DCST1: variants seen among roughly 807,000 people sequenced by gnomAD.
DCST1 encodes E3 ubiquitin-protein ligase DCST1.
In DCST1, 78 loss-of-function variants were observed where a neutral mutation model predicts 89.1. The ratio of observed to expected loss-of-function variants is 0.88; its 90% CI spans 0.73 to 1.06. The LOEUF (loss-of-function observed/expected upper bound fraction) is 1.06, where lower values mean the gene tolerates loss of function less well. DCST1 is among the 50% of genes least tolerant of loss of function. The pLI is 0.00. For missense variants in DCST1, 900 were observed against 928.6 expected (o/e 0.97, Z 0.40); for synonymous variants, 364 against 371.9 (o/e 0.98, Z 0.24).
intron 6 of DCST1, 115 bp downstream of exon 6, chr1:155,040,739 T>G: frequency 7.0e-7 from 1 of 1,418,706 alleles, no homozygotes; most frequent in East Asian, 2.5e-5. Flanking sequence ...ACTACTGGCA[T>G]TTTTTGCAGA....
At position 155,047,226 on chromosome 1, in the gene DCST1, G is replaced by C. The variant is rs185214838; in HGVS notation, c.1526G>C (p.Gly509Ala). 3.5e-5 allele frequency: 57 copies of C among 1,614,222 alleles called. 1 individual carries two copies. The East Asian group carries it at 1.2e-3, about 34-fold the overall frequency. The change falls in exon 14 of 17, where the codon GGA becomes GCA. Residue 509 changes from glycine to alanine, a missense_variant. By Grantham distance (60) the Gly-to-Ala change is moderately conservative. Transcript: ENST00000295542. ...SSHKLEVKVG[G>A]DSMLARLLRK... is the part of the protein sequence containing the mutation. ...CATAAACTGGAGGTGAAGGTCGGGGGAGACTCCATGCTAGCCCGGCTTCTT... is the reference window on the plus strand; with the variant it reads ...CATAAACTGGAGGTGAAGGTCGGGGCAGACTCCATGCTAGCCCGGCTTCTT...
At chr1:155,043,729 A>T (rs1197666037) in intron 10 of DCST1, among the ~76,000 whole-genome samples, 1 of 151,902 alleles carries the variant, frequency 6.6e-6, no homozygotes, top group African/African-American at 2.4e-5. Flanking sequence ...AACCGTCTTC[A>T]TTCATCCACC....
Position 155,039,505 on chromosome 1 carries a change from G to C in DCST1, c.365G>C (p.Gly122Ala). The C allele has an allele frequency of 6.2e-7, 1 of 1,601,358 alleles. No individual in the cohort carries two copies. The highest frequency in any genetic ancestry group is 2.3e-5 in the East Asian group (1 of 44,062). ...AAGGAAGGCAGGCTCTTTGTCCTGG[G>C]ATACGCCTTGGCTGCCATCTATGTG... ...LGKEGRLFVL[G>A]YALAAIYVGP... Residue 122 changes from glycine (G) to alanine (A), a missense_variant, in exon 5 of 17, where the codon GGA becomes GCA. Gly to Ala is a moderately conservative substitution (Grantham distance 60). Transcript: ENST00000295542.
At chr1:155,033,929 C>A in intron 1 of DCST1, 43 bp from the exon 2 acceptor site, 1 of 1,453,344 alleles carries the variant, frequency 6.9e-7, no homozygotes, top group Non-Finnish European at 9.6e-7. Context: ...CTAGGCTTCC[C>A]ATGAAGCGGA....
intron 8 of DCST1, 88 bp from the exon 9 acceptor site, chr1:155,042,647 G>A: frequency 6.3e-7 from 1 of 1,575,272 alleles, no homozygotes; most frequent in Non-Finnish European, 8.7e-7. Flanking sequence ...AAAGCAGGAT[G>A]AGGAGGACTA....
At chr1:155,041,267 A>C in intron 6 of DCST1, 130 bp from the exon 7 acceptor site, 1 of 901,446 alleles carries the variant, frequency 1.1e-6, no homozygotes, top group South Asian at 1.7e-5. Flanking sequence ...GCTGTGTCTC[A>C]GGGCCTAGGC....
At chr1:155,038,384 C>T (rs919301124) in intron 4 of DCST1, among the ~76,000 whole-genome samples, 3 of 152,138 alleles carry the variant, frequency 2.0e-5, no homozygotes, top group African/African-American at 7.2e-5. Flanking sequence ...GGACATGATC[C>T]GATTTATGCT....
chr1:155,041,331 C>A (rs2102355071), intron 6 of DCST1, 66 bp from the exon 7 acceptor site: 2 of 1,542,620 alleles, frequency 1.3e-6, no homozygotes, highest in Admixed American at 1.7e-5. Flanking sequence ...GGAGGACAGG[C>A]CCTCAGGCAG....
chr1:155,042,339 T>C (rs1292209365), intron 8 of DCST1, among the ~76,000 whole-genome samples: 1 of 152,182 alleles, frequency 6.6e-6, no homozygotes, highest in Non-Finnish European at 1.5e-5. Context: ...CCTCAGGTGA[T>C]CCACCCACCT....
rs757559044 is a variant in DCST1, at chr1:155,043,398, G to C, written c.1061G>C (p.Arg354Pro). The C allele has an allele frequency of 2.5e-6, 4 of 1,613,882 alleles. No homozygotes were observed. Among genetic ancestry groups the C allele is most frequent in the Non-Finnish European group, 3.4e-6 (4 of 1,179,970 alleles). Residue 354 changes from arginine to proline, a missense_variant, in exon 10 of 17, where the codon CGC becomes CCC. Transcript: ENST00000295542. ...CTGGGGCTCAACACAAGCTGGGAGC[G>C]CGTGAGCACCGAGGTGCGGGACTAC... Reference protein sequence around the residue: ...GVLGLNTSWERVSTEVRDYVY... With the variant: ...GVLGLNTSWEPVSTEVRDYVY...
At chr1:155,043,297 A>G in intron 9 of DCST1, 55 bp from the exon 10 acceptor site, 13 of 1,612,396 alleles carry the variant, frequency 8.1e-6, no homozygotes, top group Non-Finnish European at 8.5e-7. Flanking sequence ...AAGAGGTGGG[A>G]CCCAGGTCTG....
Position 155,041,177 on chromosome 1 carries a change from C to T in DCST1, c.532-220C>T, listed in dbSNP as rs183782680. On this transcript the variant is annotated intron_variant, in intron 6 of 16. Coordinates refer to ENST00000295542, the MANE Select transcript of DCST1 (RefSeq NM_152494.4). ...CTGAGAGTCTGGGAGGTACGCAGAG[C>T]CAGGACATGTGGCATCAGACAAGGC... Among the ~76,000 whole-genome samples the T allele has an allele frequency of 1.2e-3, 188 of 152,178 alleles. 1 individual carries two copies. The highest frequency in any genetic ancestry group is 6.0e-3 in the Admixed American group (91 of 15,290).
In DCST1 at chr1:155,045,983, G is replaced by A; in HGVS notation, c.1263G>A (p.Arg421=). 1 of 1,614,230 alleles carries A rather than the reference G, an allele frequency of 6.2e-7. No individual in the cohort carries two copies. The highest frequency in any genetic ancestry group is 8.5e-7 in the Non-Finnish European group (1 of 1,180,048). Reference sequence around the variant, plus strand: ...ACTTCTGCCAGATCGATGACCGCAGGAAGAAGCTGGTGAGTGGGCACGGCA... The same window carrying A: ...ACTTCTGCCAGATCGATGACCGCAGAAAGAAGCTGGTGAGTGGGCACGGCA... The part of the protein sequence containing the change: ...STYFCQIDDR[R]KKLGKRTLLP... Residue 421 remains arginine (R), a synonymous_variant, in exon 11 of 17, where the codon AGG becomes AGA. Transcript: ENST00000295542.
chr1:155,039,990 CAAAAAAAAAAAAAAAAAAAA>C (rs55764638), intron 5 of DCST1, among the ~76,000 whole-genome samples: 2 of 13,386 alleles, frequency 1.5e-4, no homozygotes, highest in African/African-American at 8.0e-4. Flanking sequence ...GACTCCGTCT[CAAAAAAAAAAAAAAAAAAAA>C]AAAAAAAAAA....
At chr1:155,047,109 CTT>C in intron 13 of DCST1, 85 bp from the exon 14 acceptor site, 1 of 1,061,702 alleles carries the variant, frequency 9.4e-7, no homozygotes, top group Non-Finnish European at 1.5e-6. Flanking sequence ...ATTTCTGTGT[CTT>C]GACCCCTCCC....
rs767763625 is a variant in DCST1, at chr1:155,041,497, A to G, written c.632A>G (p.Asp211Gly). 8.1e-6 allele frequency: 13 copies of G among 1,613,898 alleles called. No homozygotes were observed. The highest frequency in any genetic ancestry group is 1.3e-5 in the African/African-American group (1 of 74,912). Residue 211 changes from aspartate (D) to glycine (G), a missense_variant, in exon 7 of 17, where the codon GAT (aspartate) becomes GGT (glycine). Coordinates refer to ENST00000295542, the MANE Select transcript of DCST1 (RefSeq NM_152494.4). ...AGTGAGACGGGCTACACGCCTGAGGATACCATGGACTCAGGGGAGACAGCC... is the reference window on the plus strand; with the variant it reads ...AGTGAGACGGGCTACACGCCTGAGGGTACCATGGACTCAGGGGAGACAGCC... ...VNSETGYTPEDTMDSGETAQG... is the reference protein window; with the variant it reads ...VNSETGYTPEGTMDSGETAQG...
Position 155,043,488 on chromosome 1 carries a change from C to A in DCST1, c.1151C>A (p.Thr384Asn). 3 of 1,600,384 alleles carry A rather than the reference C, an allele frequency of 1.9e-6. No individual in the cohort carries two copies. The highest frequency in any genetic ancestry group is 1.7e-5 in the Admixed American group (1 of 59,058). Residue 384 changes from threonine to asparagine, a missense_variant, in exon 10 of 17, where the codon ACT becomes AAT. By Grantham distance (65) the Thr-to-Asn change is moderately conservative (BLOSUM62 0). Transcript: ENST00000295542. ...LGLLHVLLSC[T>N]FLLVLHASFS... ...CTGCTGCACGTGCTGCTCTCCTGCA[C>A]TTTCCTGCTGGTCCTGCATGCGTGA...
At chr1:155,040,360 A>T in intron 5 of DCST1, 125 bp from the exon 6 acceptor site, 1 of 1,025,808 alleles carries the variant, frequency 9.7e-7, no homozygotes, top group Non-Finnish European at 1.3e-6. Flanking sequence ...TTGACCTTTC[A>T]TAGGCTCTCG....
At position 155,050,758 on chromosome 1, in the gene DCST1, T is replaced by C. The variant is rs1347751706; in HGVS notation, c.2011T>C (p.Trp671Arg). Residue 671 changes from tryptophan to arginine, a missense_variant, in exon 17 of 17, where the codon TGG becomes CGG. Coordinates refer to ENST00000295542, the MANE Select transcript of DCST1 (RefSeq NM_152494.4). ...GCTGGACTGCGAGGCCGTGTACTGC[T>C]GGTCGTGCTGGGACGACATGCGGCA... ...RTLDCEAVYC[W>R]SCWDDMRQRC... The C allele has an allele frequency of 5.0e-6, 8 of 1,611,608 alleles. No individual in the cohort carries two copies. Among genetic ancestry groups the C allele is most frequent in the Non-Finnish European group, 5.9e-6 (7 of 1,179,106 alleles).
Sources: allele counts gnomAD v4.1 joint callset (sites outside exome capture counted in the v4.1 genomes callset), GRCh38; gene constraint gnomAD v4.1.1; transcripts MANE v1.5; gene names NCBI Gene and HGNC (gene_info 2026-07-23, HGNC 2026-07-21).